The following USP34 variants were observed in gnomAD, a reference collection of about 807,000 sequenced individuals.
The protein encoded by USP34 is ubiquitin carboxyl-terminal hydrolase 34.
In USP34, 70 loss-of-function variants were observed where a neutral mutation model predicts 460.3. That is an observed-to-expected ratio of 0.15 (90% CI 0.13 to 0.19). USP34 has a LOEUF of 0.19. Among genes scored for constraint, USP34 ranks in the 10% least tolerant of loss-of-function variants. The probability of loss-of-function intolerance (pLI) is 1.00; values close to 1 mark genes in which losing one functional copy is unlikely to be tolerated. For missense variants in USP34, 3,985 were observed against 4,236.2 expected (o/e 0.94, Z 1.65); for synonymous variants, 1,647 against 1,405.3 (o/e 1.17, Z -3.85).
chr2:61,292,488 G>T (rs1228586095), intron 33 of USP34, among the ~76,000 whole-genome samples: 1 of 152,026 alleles, frequency 6.6e-6, no homozygotes, highest in African/African-American at 2.4e-5. Context: ...TTAGTACGGG[G>T]GTGTCCAATC....
intron 10 of USP34, among the ~76,000 whole-genome samples, chr2:61,366,304 G>A (rs77975803): frequency 0.013 from 2,035 of 152,312 alleles, 43 homozygotes; most frequent in African/African-American, 0.047. Context: ...GAGGAGGTAG[G>A]TGAGATGATC....
chr2:61,367,142 T>C (rs367923740), intron 10 of USP34, among the ~76,000 whole-genome samples: 44 of 152,262 alleles, frequency 2.9e-4, no homozygotes, highest in African/African-American at 9.9e-4. Context: ...TAACAGTTCC[T>C]GAAAGGGCGA....
chr2:61,382,795 G>A (rs1288840394), intron 6 of USP34, among the ~76,000 whole-genome samples: 1 of 151,992 alleles, frequency 6.6e-6, no homozygotes, highest in Non-Finnish European at 1.5e-5. Flanking sequence ...GACCTTTCCT[G>A]TCCCCATAAA....
chr2:61,306,161 C>A (rs1690397825), intron 27 of USP34, among the ~76,000 whole-genome samples: 1 of 152,110 alleles, frequency 6.6e-6, no homozygotes, highest in African/African-American at 2.4e-5. Context: ...ATGCCTATGT[C>A]CTGAATGGTA....
Position 61,188,710 on chromosome 2 carries a change from CTG to C in USP34, c.10034-3_10034-2del. The C allele has an allele frequency of 6.2e-7, 1 of 1,611,570 alleles. No individual in the cohort carries two copies. The highest frequency in any genetic ancestry group is 8.5e-7 in the Non-Finnish European group (1 of 1,178,838). On this transcript the variant is annotated splice_acceptor_variant and splice_polypyrimidine_tract_variant and intron_variant, in intron 79 of 79. Transcript: ENST00000398571. LOFTEE classifies it high-confidence loss of function. ...TTAATGGGAGTTGCTCCTTCATCAT[CTG>C]TGAAAACACATGCCAAAAGGGAAAC...
At chr2:61,211,634 T>TCATGAACCTTCA in intron 69 of USP34, 138 bp downstream of exon 69, 1 of 947,288 alleles carries the variant, frequency 1.1e-6, no homozygotes, top group Non-Finnish European at 1.5e-6. Context: ...TAAAAGTAGT[T>TCATGAACCTTCA]CATGAACCTT....
intron 41 of USP34, among the ~76,000 whole-genome samples, chr2:61,271,245 A>C (rs1689204642): frequency 6.6e-6 from 1 of 152,204 alleles, no homozygotes; most frequent in Non-Finnish European, 1.5e-5. Flanking sequence ...CAGAGGTTGC[A>C]GTGGACCGAG....
intron 41 of USP34, among the ~76,000 whole-genome samples, chr2:61,271,584 A>C (rs369746198): frequency 1.6e-4 from 24 of 152,254 alleles, no homozygotes; most frequent in African/African-American, 5.8e-4. Flanking sequence ...GAAAGGAGGA[A>C]TGCAAAAGGA....
At chr2:61,392,801 G>C (rs1193834756) in intron 5 of USP34, among the ~76,000 whole-genome samples, 1 of 152,148 alleles carries the variant, frequency 6.6e-6, no homozygotes, top group Admixed American at 6.5e-5. Context: ...TAAACCCTTT[G>C]ATAATTTGGT....
At chr2:61,343,772 G>C (rs1309684932) in intron 16 of USP34, 43 bp downstream of exon 16, 2 of 1,564,078 alleles carry the variant, frequency 1.3e-6, no homozygotes, top group Admixed American at 3.3e-5. Context: ...AATTATTCCT[G>C]TTGTGAAGAA....
intron 5 of USP34, among the ~76,000 whole-genome samples, chr2:61,388,456 TA>T (rs34286687): frequency 0.026 from 3,366 of 129,556 alleles, 93 homozygotes; most frequent in African/African-American, 0.08. Context: ...CAGGGGAGTT[TA>T]AAAAAAAAAA....
intron 75 of USP34, among the ~76,000 whole-genome samples, chr2:61,197,720 C>A (rs1686848957): frequency 6.6e-6 from 1 of 152,148 alleles, no homozygotes; most frequent in Non-Finnish European, 1.5e-5. Flanking sequence ...GCCTCAGCCT[C>A]CTGAGTAGCT....
At chr2:61,376,078 G>C (rs1418497939) in intron 8 of USP34, among the ~76,000 whole-genome samples, 1 of 151,692 alleles carries the variant, frequency 6.6e-6, no homozygotes, top group Non-Finnish European at 1.5e-5. Flanking sequence ...CTACAAATGG[G>C]CAAAAGACAT....
chr2:61,341,826 T>C (rs1691611461), intron 16 of USP34, among the ~76,000 whole-genome samples: 1 of 147,098 alleles, frequency 6.8e-6, no homozygotes, highest in Admixed American at 7.1e-5. Flanking sequence ...AGTGGTATGA[T>C]CTTGGCTCAC....
chr2:61,188,818 C>G, intron 79 of USP34, 92 bp downstream of exon 79: 1 of 1,572,536 alleles, frequency 6.4e-7, no homozygotes, highest in Non-Finnish European at 8.6e-7. Context: ...TTAGGAGGTT[C>G]AGCTGAACAC....
chr2:61,323,335 C>A (rs1476117415), intron 21 of USP34, among the ~76,000 whole-genome samples: 1 of 152,002 alleles, frequency 6.6e-6, no homozygotes, highest in Non-Finnish European at 1.5e-5. Context: ...CACGGTGAAA[C>A]CCCGTCTCTA....
intron 29 of USP34, among the ~76,000 whole-genome samples, chr2:61,298,356 CAAAAATACAAA>C (rs1174178355): frequency 1.7e-4 from 2 of 12,100 alleles, no homozygotes; most frequent in African/African-American, 5.7e-4. Flanking sequence ...CCTGTCTCTA[CAAAAATACAAA>C]AAAAAAAAAA....
chr2:61,421,236 C>T (rs1366841180), intron 1 of USP34, among the ~76,000 whole-genome samples: 2 of 152,202 alleles, frequency 1.3e-5, no homozygotes, highest in African/African-American at 4.8e-5. Flanking sequence ...CTTGCTATAT[C>T]TGAAAGCAGC....
At chr2:61,234,168 G>A (rs933631031) in intron 57 of USP34, among the ~76,000 whole-genome samples, 4 of 152,188 alleles carry the variant, frequency 2.6e-5, no homozygotes, top group South Asian at 2.1e-4. Context: ...ACACTTTAGT[G>A]TTTGAAATTT....
Sources: gnomAD v4.1 joint callset for allele counts (sites outside exome capture counted in the v4.1 genomes callset) on GRCh38, gnomAD v4.1.1 for gene constraint, MANE v1.5 for transcripts, NCBI Gene and HGNC (gene_info 2026-07-23, HGNC 2026-07-21) for gene names.